The following VPS35L variants were observed in gnomAD, a reference collection of about 807,000 sequenced individuals.
VPS35L encodes VPS35 endosomal protein-sorting factor-like.
VPS35L carries 83 observed loss-of-function variants against 133.0 expected under a neutral mutation model. That is an observed-to-expected ratio of 0.62 (90% CI 0.52 to 0.75). The LOEUF is 0.75. Ranked by LOEUF, VPS35L falls within the 30% of genes least tolerant of loss-of-function variation. The pLI, the probability that VPS35L is intolerant of heterozygous loss-of-function variation, is 0.00. For synonymous variants in VPS35L, 423 were observed against 449.9 expected, an observed-to-expected ratio of 0.94 and a Z score of 0.76; for missense variants, 1,083 against 1,206.8, an observed-to-expected ratio of 0.90 and a Z score of 1.52.
intron 22 of VPS35L, among the ~76,000 whole-genome samples, chr16:19,643,158 A>G (rs1011730020): frequency 1.3e-5 from 2 of 152,218 alleles, no homozygotes; most frequent in African/African-American, 2.4e-5. Context: ...CACTTCCATG[A>G]TTTTTTGTGC....
intron 14 of VPS35L, among the ~76,000 whole-genome samples, chr16:19,619,427 G>C (rs1299084456): frequency 6.6e-6 from 1 of 152,120 alleles, no homozygotes; most frequent in Non-Finnish European, 1.5e-5. Context: ...GTTCTCTATG[G>C]TCCTCAGCAT....
chr16:19,648,682 A>T (rs1017079061), intron 24 of VPS35L, among the ~76,000 whole-genome samples: 1 of 152,050 alleles, frequency 6.6e-6, no homozygotes, highest in African/African-American at 2.4e-5. Flanking sequence ...AGCCTGCCCA[A>T]TATGGTGAAA....
At chr16:19,652,350 T>G (rs1316383908) in intron 26 of VPS35L, 1 of 314,832 alleles carries the variant, frequency 3.2e-6, no homozygotes, top group Non-Finnish European at 6.0e-6. Flanking sequence ...TTTTATTTTT[T>G]ATAGAGATGG....
In VPS35L at chr16:19,629,779, T is replaced by C; in HGVS notation, c.1513T>C (p.Cys505Arg). The C allele has an allele frequency of 6.2e-7, 1 of 1,613,858 alleles. No individual in the cohort carries two copies. Among genetic ancestry groups the C allele is most frequent in the Non-Finnish European group, 8.5e-7 (1 of 1,179,736 alleles). The change falls in exon 18 of 31, where the codon TGT becomes CGT. Residue 505 changes from cysteine to arginine, a missense_variant. Coordinates refer to ENST00000417362, the MANE Select transcript of VPS35L (RefSeq NM_020314.7). ...KLKNPQDYINCAEVWVEYTCK... is the reference protein window; with the variant it reads ...KLKNPQDYINRAEVWVEYTCK... ...TTTCTCTTTGTAGGACTACATTAAT[T>C]GTGCCGAAGTGTGGGTGGAATACAC...
chr16:19,696,507 C>G (rs1188940329), intron 29 of VPS35L, among the ~76,000 whole-genome samples: 5 of 152,152 alleles, frequency 3.3e-5, no homozygotes, highest in Admixed American at 3.3e-4. Context: ...TGTGGTGGAG[C>G]TGGGAACCAT....
At chr16:19,700,344 C>G in intron 30 of VPS35L, 34 bp from the exon 31 acceptor site, 2 of 1,567,034 alleles carry the variant, frequency 1.3e-6, no homozygotes, top group Non-Finnish European at 1.8e-6. Context: ...GATAATGAAC[C>G]AGAAAGGAGA....
rs568623191 is a variant in VPS35L at position 19,682,171 on chromosome 16, T to G, written c.2362-54T>G. On this transcript the variant is annotated intron_variant, in intron 27 of 30. Coordinates refer to ENST00000417362, the MANE Select transcript of VPS35L (RefSeq NM_020314.7). ...TGGGCTTCTGTGTTGATTTTCTTTT[T>G]CCCTCCCTGCTTCATCTTTGGGATT... is the stretch of plus-strand genomic sequence containing the variant. 4.6e-4 allele frequency: 731 copies of G among 1,581,336 alleles called. 1 individual carries two copies. The highest frequency in any genetic ancestry group is 6.0e-4 in the Non-Finnish European group (700 of 1,158,020).
chr16:19,589,433 T>TG (rs950553092), intron 7 of VPS35L, among the ~76,000 whole-genome samples: 1 of 151,988 alleles, frequency 6.6e-6, no homozygotes, highest in Non-Finnish European at 1.5e-5. Flanking sequence ...TTGTAGAAAC[T>TG]GGGGTCTCAC....
rs374993985 is a variant in VPS35L at position 19,699,659 on chromosome 16, C to T, written c.2793+11C>T. 3.0e-4 allele frequency: 476 copies of T among 1,612,076 alleles called. No individual in the cohort carries two copies. The highest frequency in any genetic ancestry group is 3.4e-4 in the Non-Finnish European group (402 of 1,179,960). ...GACACCAGGACCATGGTGAGGCGCT[C>T]GGAGGGCCCCGTGGTATAAGCCCAC... On this transcript the variant is annotated intron_variant, in intron 30 of 30. Transcript: ENST00000417362. This position sits in a 1 kb window ranked among gnomAD's most constrained non-coding sequence, Gnocchi z 4.2.
At chr16:19,569,772 A>G (rs1971304093) in intron 3 of VPS35L, among the ~76,000 whole-genome samples, 181 bp downstream of exon 3, 1 of 150,512 alleles carries the variant, frequency 6.6e-6, no homozygotes, top group African/African-American at 2.4e-5. Flanking sequence ...GGGCTCAAGC[A>G]ATTCTCCCAC....
chr16:19,616,053 A>C, intron 12 of VPS35L, 61 bp from the exon 13 acceptor site: 3 of 1,337,282 alleles, frequency 2.2e-6, no homozygotes, highest in Non-Finnish European at 3.1e-6. Context: ...TTTAATTTCC[A>C]AAAATAAAAT....
At chr16:19,645,754 C>G (rs1195339639) in intron 23 of VPS35L, among the ~76,000 whole-genome samples, 1 of 152,096 alleles carries the variant, frequency 6.6e-6, no homozygotes, top group Non-Finnish European at 1.5e-5. Flanking sequence ...GGGTCGTGGC[C>G]CCAAGCACAC....
intron 26 of VPS35L, among the ~76,000 whole-genome samples, chr16:19,654,393 G>A (rs948850960): frequency 6.6e-6 from 1 of 151,870 alleles, no homozygotes; most frequent in Non-Finnish European, 1.5e-5. Flanking sequence ...TCTTCATTGT[G>A]TGTAGGTCAA....
intron 22 of VPS35L, among the ~76,000 whole-genome samples, chr16:19,643,462 G>A (rs1973846627): frequency 6.6e-6 from 1 of 152,118 alleles, no homozygotes; most frequent in Non-Finnish European, 1.5e-5. Flanking sequence ...GTCTATCTGG[G>A]GTGTTGTCCT....
At chr16:19,560,331 A>G (rs1970988173) in intron 1 of VPS35L, among the ~76,000 whole-genome samples, 1 of 152,240 alleles carries the variant, frequency 6.6e-6, no homozygotes, top group Non-Finnish European at 1.5e-5. Context: ...TGATTGTTGC[A>G]TATGAAGTCA....
chr16:19,579,049 T>G lies in VPS35L; in HGVS notation c.434-3T>G. The G allele has an allele frequency of 1.2e-6, 2 of 1,613,996 alleles. No homozygotes were observed. The highest frequency in any genetic ancestry group is 1.7e-6 in the Non-Finnish European group (2 of 1,179,978). On this transcript the variant is annotated splice_polypyrimidine_tract_variant and splice_region_variant and intron_variant, in intron 5 of 30. Coordinates refer to ENST00000417362, the MANE Select transcript of VPS35L (RefSeq NM_020314.7). Reference sequence around the variant, plus strand: ...CTGTGTGACGTAAATTCATTCTGTTTAGGCAAAGCTGGGACTGCCACATTG... The same window carrying G: ...CTGTGTGACGTAAATTCATTCTGTTGAGGCAAAGCTGGGACTGCCACATTG...
chr16:19,562,134 G>C (rs1971048789), intron 1 of VPS35L, among the ~76,000 whole-genome samples: 1 of 152,070 alleles, frequency 6.6e-6, no homozygotes, highest in Admixed American at 6.6e-5. Context: ...CATGGTGCTT[G>C]TTAAAGGAAA....
chr16:19,602,578 A>G (rs894313899), intron 9 of VPS35L, among the ~76,000 whole-genome samples: 6 of 146,912 alleles, frequency 4.1e-5, no homozygotes, highest in Non-Finnish European at 7.5e-5. Context: ...TCTGCTTCCT[A>G]TCTGTCCATC....
chr16:19,620,839 T>C (rs1370571194), intron 14 of VPS35L, among the ~76,000 whole-genome samples: 1 of 151,996 alleles, frequency 6.6e-6, no homozygotes, highest in Non-Finnish European at 1.5e-5. Flanking sequence ...TAATCCCAGC[T>C]ACTCGGGAGG....
Sources: gnomAD v4.1 joint callset for allele counts (sites outside exome capture counted in the v4.1 genomes callset) on GRCh38, gnomAD v4.1.1 for gene constraint, Gnocchi (gnomAD v3.1) non-coding constraint, MANE v1.5 for transcripts, NCBI Gene and HGNC (gene_info 2026-07-23, HGNC 2026-07-21) for gene names.